The following UTY variants were observed in gnomAD, a reference collection of about 807,000 sequenced individuals.
UTY encodes the protein histone demethylase UTY.
Under a neutral mutation model 32.5 loss-of-function variants are expected in UTY, and 12 were observed. The ratio of observed to expected loss-of-function variants is 0.37; its 90% CI spans 0.24 to 0.60. The LOEUF is 0.60. Ranked by LOEUF, UTY falls within the 20% of genes least tolerant of loss-of-function variation. The probability of loss-of-function intolerance (pLI) is 0.69; values close to 1 mark genes in which losing one functional copy is unlikely to be tolerated. For missense variants in UTY, 303 were observed against 299.2 expected, an observed-to-expected ratio of 1.01 and a Z score of -0.09; for synonymous variants, 131 against 103.4, an observed-to-expected ratio of 1.27 and a Z score of -1.62.
At chrY:13,436,442 CA>C in intron 4 of UTY, among the ~76,000 whole-genome samples, 1 of 32,944 alleles carries the variant, frequency 3.0e-5, no homozygotes, top group East Asian at 8.1e-4. Flanking sequence ...CAGAGAGTAA[CA>C]AACTCTCCAA....
chrY:13,412,143 G>C, intron 5 of UTY, among the ~76,000 whole-genome samples: 1 of 33,691 alleles, frequency 3.0e-5, no homozygotes, highest in Non-Finnish European at 7.4e-5. Context: ...TATTTTTACT[G>C]CTTGAATTAT....
At chrY:13,472,274 AAAG>A (rs2078570197) in intron 2 of UTY, among the ~76,000 whole-genome samples, 1 of 32,892 alleles carries the variant, frequency 3.0e-5, no homozygotes. Flanking sequence ...GAACAGATCA[AAAG>A]AAGACACATA....
chrY:13,235,042 C>G (rs900542231), intron 28 of UTY, among the ~76,000 whole-genome samples: 11 of 34,101 alleles, frequency 3.2e-4, no homozygotes, highest in African/African-American at 1.3e-3. Flanking sequence ...AGCCCCCCAT[C>G]AGCTTCCCTC....
At chrY:13,343,444 C>A (rs765939582) in intron 17 of UTY, among the ~76,000 whole-genome samples, 1 of 32,972 alleles carries the variant, frequency 3.0e-5, no homozygotes, top group Admixed American at 2.7e-4. Context: ...TAGATCCACG[C>A]ACACTGCTGC....
intron 6 of UTY, among the ~76,000 whole-genome samples, chrY:13,405,733 AT>A (rs2069820053): frequency 3.1e-5 from 1 of 32,649 alleles, no homozygotes; most frequent in African/African-American, 1.2e-4. Flanking sequence ...AATTTAAAAA[AT>A]AATTTTAATA....
intron 27 of UTY, among the ~76,000 whole-genome samples, chrY:13,279,381 G>A: frequency 3.0e-5 from 1 of 33,286 alleles, no homozygotes. Flanking sequence ...CCCCAGAGTA[G>A]CTGGGATTAC....
At chrY:13,402,867 T>C in intron 6 of UTY, among the ~76,000 whole-genome samples, 4 of 33,766 alleles carry the variant, frequency 1.2e-4, no homozygotes, top group Non-Finnish European at 2.9e-4. Context: ...AATATAACCA[T>C]TCTCTATTAA....
In UTY at chrY:13,335,745, A is replaced by G. The variant is rs754781199; in HGVS notation, c.2652T>C (p.Ser884=). 5.0e-6 allele frequency: 2 copies of G among 399,043 alleles called. No individual in the cohort carries two copies. The highest frequency in any genetic ancestry group is 5.9e-5 in the South Asian group (2 of 33,809). ...PKSTEQRSIN[S]VTSLNSPHSG... is the part of the protein sequence containing the mutation. The stretch of plus-strand genomic sequence containing the variant: ...TGTGAGGACTGTTAAGGCTGGTAAC[A>G]CTGTTTATGCTTCTCTGCTCAGTGG... Residue 884 remains serine, a synonymous_variant, in exon 18 of 30, where the codon AGT becomes AGC. Transcript: ENST00000545955.
At chrY:13,241,917 A>G in intron 28 of UTY, among the ~76,000 whole-genome samples, 1 of 31,920 alleles carries the variant, frequency 3.1e-5, no homozygotes. Flanking sequence ...TGTTTCTACT[A>G]AACACACAAA....
At chrY:13,452,123 C>T in intron 3 of UTY, among the ~76,000 whole-genome samples, 1 of 33,364 alleles carries the variant, frequency 3.0e-5, no homozygotes, top group East Asian at 7.8e-4. Flanking sequence ...AATCCCAGTA[C>T]TTTTGGGGGC....
At chrY:13,390,467 T>C in intron 8 of UTY, among the ~76,000 whole-genome samples, 1 of 33,707 alleles carries the variant, frequency 3.0e-5, no homozygotes, top group Non-Finnish European at 7.4e-5. Flanking sequence ...ATTGAGTTTT[T>C]GTCAAATGCT....
chrY:13,302,852 A>T (rs750868097), intron 25 of UTY, 25 bp downstream of exon 25: 7 of 303,408 alleles, frequency 2.3e-5, no homozygotes, highest in African/African-American at 7.1e-5. Context: ...AGTTACTTAA[A>T]TGAAAGTTTA....
chrY:13,267,166 G>T, intron 27 of UTY, among the ~76,000 whole-genome samples: 1 of 32,939 alleles, frequency 3.0e-5, no homozygotes, highest in South Asian at 6.9e-4. Flanking sequence ...CTCTTTGTAG[G>T]TCTCTAAGAA....
chrY:13,464,466 T>C, intron 3 of UTY, among the ~76,000 whole-genome samples: 2 of 33,529 alleles, frequency 6.0e-5, no homozygotes, highest in African/African-American at 2.3e-4. Context: ...TTGTTAGTAA[T>C]TTCGCTGTTT....
intron 8 of UTY, among the ~76,000 whole-genome samples, chrY:13,388,994 G>A (rs952630455): frequency 1.3e-4 from 4 of 31,656 alleles, no homozygotes; most frequent in African/African-American, 5.0e-4. Flanking sequence ...CCCAGTCTTG[G>A]GTATGTCTTT....
At chrY:13,274,832 G>GT (rs2056580159) in intron 27 of UTY, among the ~76,000 whole-genome samples, 1 of 31,656 alleles carries the variant, frequency 3.2e-5, no homozygotes, top group Non-Finnish European at 7.7e-5. Flanking sequence ...AAAAAAATAA[G>GT]TGAAGAAGCA....
At chrY:13,471,277 A>G in intron 2 of UTY, among the ~76,000 whole-genome samples, 1 of 34,003 alleles carries the variant, frequency 2.9e-5, no homozygotes, top group Admixed American at 2.7e-4. Context: ...GAGCAAGGCT[A>G]AAGCATAGTA....
intron 4 of UTY, among the ~76,000 whole-genome samples, chrY:13,435,734 T>C: frequency 3.0e-5 from 1 of 33,736 alleles, no homozygotes; most frequent in Non-Finnish European, 7.4e-5. Context: ...ACTGTGGGAC[T>C]TGGGCCCCGG....
intron 7 of UTY, 71 bp downstream of exon 7, chrY:13,396,847 A>C: frequency 4.8e-6 from 1 of 208,184 alleles, no homozygotes; most frequent in African/African-American, 8.1e-5. Flanking sequence ...GAACAGAAAC[A>C]AAGGTATCAG....
Sources: allele counts gnomAD v4.1 joint callset (sites outside exome capture counted in the v4.1 genomes callset), GRCh38; gene constraint gnomAD v4.1.1; transcripts MANE v1.5; gene names NCBI Gene and HGNC (gene_info 2026-07-23, HGNC 2026-07-21).